The following TPSG1 variants were observed in gnomAD, a reference collection of about 807,000 sequenced individuals.
The protein encoded by TPSG1 is tryptase gamma 1, also known as tryptase gamma.
Under a neutral mutation model 23.8 loss-of-function variants are expected in TPSG1, and 43 were observed. The ratio of observed to expected loss-of-function variants is 1.81; its 90% CI spans 1.42 to 2.33. The LOEUF is 2.33. Ranked by LOEUF, TPSG1 falls within the 30% of genes most tolerant of loss-of-function variation. TPSG1 has a pLI of 0.00. For synonymous variants in TPSG1, 302 were observed against 201.3 expected, an observed-to-expected ratio of 1.50 and a Z score of -4.23; for missense variants, 623 against 438.6, an observed-to-expected ratio of 1.42 and a Z score of -3.75.
chr16:1,222,513 A>G, intron 4 of TPSG1, 139 bp downstream of exon 4: 2 of 1,325,566 alleles, frequency 1.5e-6, no homozygotes, highest in Non-Finnish European at 2.1e-6. Context: ...GGCTTTGAAA[A>G]GGGACAGCCG....
chr16:1,225,122 G>T, intron 1 of TPSG1, 85 bp downstream of exon 1: 1 of 1,500,452 alleles, frequency 6.7e-7, no homozygotes, highest in South Asian at 1.2e-5. Flanking sequence ...CTCCGTCTCA[G>T]ACCAGCCCCC....
intron 2 of TPSG1, among the ~76,000 whole-genome samples, chr16:1,224,331 T>G (rs1456474340): frequency 6.6e-6 from 1 of 151,958 alleles, no homozygotes; most frequent in East Asian, 1.9e-4. Flanking sequence ...GGGGACGCTG[T>G]GGGGAGAAAG....
At chr16:1,222,173 C>T (rs762823672) in intron 5 of TPSG1, 23 bp downstream of exon 5, 279 of 1,611,380 alleles carry the variant, frequency 1.7e-4, no homozygotes, top group Non-Finnish European at 2.2e-4. Context: ...CCCCCATCCT[C>T]TGTCACGGCC....
At position 1,221,707 on chromosome 16, in the gene TPSG1, A is replaced by C; in HGVS notation, c.*81T>G. 7.6e-7 allele frequency: 1 copy of C among 1,316,752 alleles called. No homozygotes were observed. Among genetic ancestry groups the C allele is most frequent in the Non-Finnish European group, 1.0e-6 (1 of 969,498 alleles). The allele number at this position is 1,316,752 out of a possible 1,614,324, so 81.6% of individuals were successfully genotyped here. Reference sequence around the variant, plus strand: ...ATGTTGCAATAATCTGATGCAGAAGACTCAGCTTCTCAAGGGAGAGGGAGG... The same window carrying C: ...ATGTTGCAATAATCTGATGCAGAAGCCTCAGCTTCTCAAGGGAGAGGGAGG... On this transcript the variant is annotated 3_prime_UTR_variant, in exon 6 of 6. Transcript: ENST00000234798.
Position 1,223,412 on chromosome 16 carries a change from C to A in TPSG1, c.245+11G>T. The A allele has an allele frequency of 6.4e-7, 1 of 1,573,080 alleles. No individual in the cohort carries two copies. Among genetic ancestry groups the A allele is most frequent in the Non-Finnish European group, 8.6e-7 (1 of 1,161,890 alleles). On this transcript the variant is annotated intron_variant, in intron 3 of 5. Coordinates refer to ENST00000234798, the MANE Select transcript of TPSG1 (RefSeq NM_012467.4). ...GACATTGAGACTGCCCCTGCCCACCCGGACACTCACCCGGAGAAGCAGTGG... is the reference window on the plus strand; with the variant it reads ...GACATTGAGACTGCCCCTGCCCACCAGGACACTCACCCGGAGAAGCAGTGG...
In TPSG1 at chr16:1,222,345, G is replaced by A; in HGVS notation, c.512-4C>T. 1 of 1,586,576 alleles carries A rather than the reference G, an allele frequency of 6.3e-7. No individual in the cohort carries two copies. The highest frequency in any genetic ancestry group is 8.6e-7 in the Non-Finnish European group (1 of 1,164,690). ...CTGTACGGGGGTGGCAGAGGCTCTG[G>A]GGTGGGGGGAACAGGCTTCAGAGAA... On this transcript the variant is annotated splice_polypyrimidine_tract_variant and splice_region_variant and intron_variant, in intron 4 of 5. Transcript: ENST00000234798.
At chr16:1,225,085 C>A (rs1261733044) in intron 1 of TPSG1, 122 bp downstream of exon 1, 1 of 1,287,512 alleles carries the variant, frequency 7.8e-7, no homozygotes, top group Non-Finnish European at 1.1e-6. Flanking sequence ...GACACGGGGC[C>A]CCACAGGGTG....
At chr16:1,223,649 T>C in intron 2 of TPSG1, 55 bp from the exon 3 acceptor site, 2 of 1,511,170 alleles carry the variant, frequency 1.3e-6, no homozygotes, top group South Asian at 2.5e-5. Context: ...CCCACTGCAC[T>C]TCCTCCATGA....
chr16:1,223,917 G>T, intron 2 of TPSG1: 1 of 404,258 alleles, frequency 2.5e-6, no homozygotes, highest in East Asian at 5.2e-5. Context: ...CCCCGAGAAG[G>T]CCCGGGGTGC....
At position 1,222,181 on chromosome 16, in the gene TPSG1, G is replaced by A. The variant is rs773877125; in HGVS notation, c.657+15C>T. The A allele has an allele frequency of 4.3e-6, 7 of 1,611,412 alleles. No individual in the cohort carries two copies. The East Asian group carries it at 1.6e-4, about 36-fold the overall frequency. On this transcript the variant is annotated intron_variant, in intron 5 of 5. Transcript: ENST00000234798. ...TCAGCCGCCCCCATCCTCTGTCACG[G>A]CCTGGCAGGCTCACCTGGCAGGCAT...
In TPSG1 at chr16:1,221,856, A is replaced by T. The variant is rs1404296607; in HGVS notation, c.898T>A (p.Cys300Ser). The T allele has an allele frequency of 3.1e-6, 5 of 1,611,874 alleles. No homozygotes were observed. The African/African-American group carries it at 5.3e-5, about 17-fold the overall frequency. Residue 300 changes from cysteine (C) to serine (S), a missense_variant, in exon 6 of 6, where the codon TGT becomes AGT. Transcript: ENST00000234798. ...LPGLFLLLVS[C>S]VLLAKCLLHP... is the part of the protein sequence containing the mutation. ...AGCAGGCACTTGGCCAGCAGGACACAGGAGACTAGCAGAAGGAAGAGGCCG... is the reference window on the plus strand; with the variant it reads ...AGCAGGCACTTGGCCAGCAGGACACTGGAGACTAGCAGAAGGAAGAGGCCG...
chr16:1,221,898 C>T lies in TPSG1; in HGVS notation c.856G>A (p.Ala286Thr). ...AAGAGGCCGGGGAGGAAGAAGCCAG[C>T]CAGGAGGGGGAGCCTGGGGTACCCA... is the stretch of plus-strand genomic sequence containing the variant. Reference protein sequence around the residue: ...ESGYPRLPLLAGFFLPGLFLL... With the variant: ...ESGYPRLPLLTGFFLPGLFLL... Residue 286 changes from alanine to threonine, a missense_variant, in exon 6 of 6, where the codon GCT (alanine) becomes ACT (threonine). Ala to Thr is a moderately conservative substitution (Grantham distance 58). Coordinates refer to ENST00000234798, the MANE Select transcript of TPSG1 (RefSeq NM_012467.4). 1.2e-6 allele frequency: 2 copies of T among 1,611,172 alleles called. No homozygotes were observed. The highest frequency in any genetic ancestry group is 2.2e-5 in the East Asian group (1 of 44,840).
At chr16:1,224,555 G>A (rs528855716) in intron 2 of TPSG1, 47 bp downstream of exon 2, 3 of 1,612,640 alleles carry the variant, frequency 1.9e-6, no homozygotes, top group Non-Finnish European at 2.5e-6. Flanking sequence ...CTCCTGCCAG[G>A]CCTTGCCTGC....
intron 3 of TPSG1, 88 bp from the exon 4 acceptor site, chr16:1,223,005 A>G (rs1267411957): frequency 4.2e-6 from 6 of 1,423,476 alleles, no homozygotes; most frequent in East Asian, 2.5e-5. Flanking sequence ...CCTTGCAGGC[A>G]TCCGAAGCCC....
Position 1,222,211 on chromosome 16 carries a change from GGGGCCCC to G in TPSG1, c.635_641del (p.Arg212ProfsTer17). On this transcript the variant is annotated frameshift_variant, in exon 5 of 6. Coordinates refer to ENST00000234798, the MANE Select transcript of TPSG1 (RefSeq NM_012467.4). LOFTEE classifies it low-confidence loss of function (END_TRUNC). Reference sequence around the variant, plus strand: ...GCAGGCTCACCTGGCAGGCATCCCCGGGGCCCCGGGCACACAGCATGTCGGGCTGAAG... The same window carrying G: ...GCAGGCTCACCTGGCAGGCATCCCCGGGGCACACAGCATGTCGGGCTGAAG... The G allele has an allele frequency of 6.2e-7, 1 of 1,611,254 alleles. No homozygotes were observed. The highest frequency in any genetic ancestry group is 8.5e-7 in the Non-Finnish European group (1 of 1,179,732).
chr16:1,223,377 CT>C, intron 3 of TPSG1, 45 bp downstream of exon 3: 1 of 1,527,978 alleles, frequency 6.5e-7, no homozygotes, highest in Non-Finnish European at 8.8e-7. Context: ...GCATGCCCCA[CT>C]GGGGCCTGGA....
chr16:1,223,051 T>C lies in TPSG1; in HGVS notation c.246-134A>G. 3.3e-6 allele frequency: 4 copies of C among 1,198,606 alleles called. No homozygotes were observed. The Admixed American group carries it at 1.1e-4, about 33-fold the overall frequency. 74.2% of individuals were successfully genotyped at this position (1,198,606 alleles called of 1,614,324 possible). ...TCCTAGGCTTGGGACGCAGAAAGCCTGGGCAGTGGCCTCACCCTGCAGGGC... is the reference window on the plus strand; with the variant it reads ...TCCTAGGCTTGGGACGCAGAAAGCCCGGGCAGTGGCCTCACCCTGCAGGGC... On this transcript the variant is annotated intron_variant, in intron 3 of 5. Coordinates refer to ENST00000234798, the MANE Select transcript of TPSG1 (RefSeq NM_012467.4).
At chr16:1,222,121 G>T in intron 5 of TPSG1, 25 bp from the exon 6 acceptor site, 8 of 1,612,448 alleles carry the variant, frequency 5.0e-6, no homozygotes, top group Non-Finnish European at 6.8e-6. Flanking sequence ...GGCGAGCATT[G>T]GGAGCCGAGA....
At chr16:1,224,668 C>G in intron 1 of TPSG1, 40 bp from the exon 2 acceptor site, 1 of 1,613,262 alleles carries the variant, frequency 6.2e-7, no homozygotes. Context: ...AGGGGGCTGC[C>G]AAGGAGAGGG....
Sources: gnomAD v4.1 joint callset for allele counts (sites outside exome capture counted in the v4.1 genomes callset) on GRCh38, gnomAD v4.1.1 for gene constraint, MANE v1.5 for transcripts, NCBI Gene and HGNC (gene_info 2026-07-23, HGNC 2026-07-21) for gene names.